EPB41: variants seen among roughly 807,000 people sequenced by gnomAD.
EPB41 encodes erythrocyte membrane protein band 4.1.
EPB41 carries 65 observed loss-of-function variants against 108.0 expected under a neutral mutation model. The observed-to-expected ratio is 0.60, with a 90% CI of 0.49 to 0.74. The LOEUF (loss-of-function observed/expected upper bound fraction) is 0.74, where lower values mean the gene tolerates loss of function less well. Ranked by LOEUF, EPB41 falls within the 30% of genes least tolerant of loss-of-function variation. The pLI is 0.00. For synonymous variants in EPB41, 336 were observed against 358.9 expected, an observed-to-expected ratio of 0.94 and a Z score of 0.72; for missense variants, 875 against 1,037.0, an observed-to-expected ratio of 0.84 and a Z score of 2.15.
intron 2 of EPB41, chr1:28,989,228 T>G (rs554796057): frequency 1.8e-5 from 3 of 170,206 alleles, no homozygotes; most frequent in African/African-American, 7.2e-5. Context: ...TGTATATTAG[T>G]CTGGGGCCTT....
chr1:29,052,288 CCT>C (rs1349507064), intron 11 of EPB41, among the ~76,000 whole-genome samples: 4 of 152,222 alleles, frequency 2.6e-5, no homozygotes, highest in African/African-American at 9.7e-5. Flanking sequence ...TCTCTCCCCT[CCT>C]CTGTTACAAC....
At chr1:29,104,935 C>G (rs1666649714) in intron 17 of EPB41, among the ~76,000 whole-genome samples, 1 of 151,660 alleles carries the variant, frequency 6.6e-6, no homozygotes, top group Non-Finnish European at 1.5e-5. Flanking sequence ...GTTGCTAAGG[C>G]TGATCTCGAA....
rs116931015 is a variant in EPB41, at chr1:29,046,107, A to G, written c.1636+6681A>G. ...ACCTTATACTCAGTAATCTTACTAA[A>G]AAAATTTTTTTTTAATTTAATTTTA... On this transcript the variant is annotated intron_variant, in intron 11 of 20. Transcript: ENST00000343067. 2.1e-3 allele frequency among the ~76,000 whole-genome samples: 323 copies of G among 152,098 alleles called. 7 individuals are homozygous for G. The East Asian group carries it at 0.054, about 25-fold the overall frequency.
chr1:28,901,115 G>C (rs766258303), intron 1 of EPB41, among the ~76,000 whole-genome samples: 4 of 151,956 alleles, frequency 2.6e-5, no homozygotes, highest in Non-Finnish European at 5.9e-5. Context: ...ATTTTTAGTA[G>C]AGATGGGGTT....
Position 29,018,245 on chromosome 1 carries a change from T to C in EPB41, c.927T>C (p.Leu309=). 6.2e-7 allele frequency: 1 copy of C among 1,614,166 alleles called. No individual in the cohort carries two copies. The highest frequency in any genetic ancestry group is 8.5e-7 in the Non-Finnish European group (1 of 1,180,022). ...GTAGATATTATTTATGTCTTCAGCT[T>C]CGGCAGGACATAGTTGCAGGACGTC... is the stretch of plus-strand genomic sequence containing the variant. The part of the protein sequence containing the change: ...DITRYYLCLQ[L]RQDIVAGRLP... The change falls in exon 7 of 21, where the codon CTT becomes CTC. Residue 309 remains leucine, a synonymous_variant. Coordinates refer to ENST00000343067, the MANE Select transcript of EPB41 (RefSeq NM_001376013.1). This position sits in a 1 kb window ranked among gnomAD's most constrained non-coding sequence, Gnocchi z 4.4.
At chr1:29,043,009 A>G (rs1325048927) in intron 11 of EPB41, among the ~76,000 whole-genome samples, 1 of 152,226 alleles carries the variant, frequency 6.6e-6, no homozygotes, top group Non-Finnish European at 1.5e-5. Flanking sequence ...TACTTTGTTC[A>G]ACAATTTTTC....
chr1:29,089,494 C>A (rs1455911217), intron 16 of EPB41, among the ~76,000 whole-genome samples: 9 of 152,166 alleles, frequency 5.9e-5, no homozygotes. Flanking sequence ...ATGGAAAAGA[C>A]AGATGAATAT....
chr1:28,953,884 G>A (rs2094842263), intron 1 of EPB41, among the ~76,000 whole-genome samples: 1 of 152,198 alleles, frequency 6.6e-6, no homozygotes, highest in Non-Finnish European at 1.5e-5. Context: ...CAGAGATTCT[G>A]ATTCCATATG....
chr1:29,062,501 G>A (rs1646726251), intron 15 of EPB41, among the ~76,000 whole-genome samples: 1 of 152,136 alleles, frequency 6.6e-6, no homozygotes, highest in African/African-American at 2.4e-5. Flanking sequence ...TATATTTAAT[G>A]AAGTGTTTGG....
chr1:29,092,545 ATTTC>A (rs139756969), intron 16 of EPB41, among the ~76,000 whole-genome samples: 43 of 152,014 alleles, frequency 2.8e-4, no homozygotes, highest in Middle Eastern at 6.8e-3. Context: ...TCGTTAGGTT[ATTTC>A]TTTTTCTTCT....
intron 1 of EPB41, among the ~76,000 whole-genome samples, chr1:28,951,392 ACAC>A (rs1203615506): frequency 1.0e-4 from 15 of 150,666 alleles, no homozygotes; most frequent in African/African-American, 3.2e-4. Flanking sequence ...ACACACACAC[ACAC>A]AAATGTGATG....
chr1:29,030,169 G>A (rs1211149569), intron 7 of EPB41, among the ~76,000 whole-genome samples: 1 of 151,998 alleles, frequency 6.6e-6, no homozygotes. Flanking sequence ...GCAGCTTTTT[G>A]GTGACTTTTT....
intron 1 of EPB41, among the ~76,000 whole-genome samples, chr1:28,934,229 C>T (rs1035875724): frequency 6.6e-6 from 1 of 152,136 alleles, no homozygotes; most frequent in Non-Finnish European, 1.5e-5. Flanking sequence ...GGGAGGAAGA[C>T]CCAGAGAGGT....
intron 16 of EPB41, among the ~76,000 whole-genome samples, chr1:29,074,114 GTATT>G (rs1342681033): frequency 6.6e-6 from 1 of 152,148 alleles, no homozygotes; most frequent in Non-Finnish European, 1.5e-5. Flanking sequence ...CAGTGATCAT[GTATT>G]TACAAAAGGA....
At chr1:29,103,829 G>A (rs979871578) in intron 17 of EPB41, among the ~76,000 whole-genome samples, 17 of 152,156 alleles carry the variant, frequency 1.1e-4, no homozygotes, top group African/African-American at 3.1e-4. Flanking sequence ...CCCCATGCCC[G>A]GCTAATTTTT....
intron 1 of EPB41, among the ~76,000 whole-genome samples, chr1:28,907,409 G>C (rs2091923100): frequency 6.6e-6 from 1 of 151,606 alleles, no homozygotes; most frequent in African/African-American, 2.4e-5. Flanking sequence ...CGTTACCCAG[G>C]CTGGTCTCAA....
intron 1 of EPB41, among the ~76,000 whole-genome samples, chr1:28,955,019 G>C (rs2149030637): frequency 6.6e-6 from 1 of 152,110 alleles, no homozygotes; most frequent in African/African-American, 2.4e-5. Context: ...ATAGTAGCTG[G>C]AGCCATTATT....
chr1:28,943,111 A>G (rs763030257), intron 1 of EPB41, among the ~76,000 whole-genome samples: 4 of 152,168 alleles, frequency 2.6e-5, no homozygotes, highest in Admixed American at 6.5e-5. Context: ...TTCTTCTCCT[A>G]CTTATATACC....
intron 16 of EPB41, among the ~76,000 whole-genome samples, chr1:29,066,653 G>A (rs547805181): frequency 2.0e-5 from 3 of 152,046 alleles, no homozygotes; most frequent in African/African-American, 7.2e-5. Flanking sequence ...GTAAAATGAT[G>A]TCTTAATAAT....
Sources: gnomAD v4.1 joint callset for allele counts (sites outside exome capture counted in the v4.1 genomes callset) on GRCh38, gnomAD v4.1.1 for gene constraint, Gnocchi (gnomAD v3.1) non-coding constraint, MANE v1.5 for transcripts, NCBI Gene and HGNC (gene_info 2026-07-23, HGNC 2026-07-21) for gene names.